Variants in GALNT13 observed in about 807,000 individuals in gnomAD.
GALNT13 encodes polypeptide N-acetylgalactosaminyltransferase 13.
Under a neutral mutation model 64.2 loss-of-function variants are expected in GALNT13, and 28 were observed. That is an observed-to-expected ratio of 0.44 (90% confidence interval 0.32 to 0.60). GALNT13 has a LOEUF of 0.60. Among genes scored for constraint, GALNT13 ranks in the 20% least tolerant of loss-of-function variants. The probability of loss-of-function intolerance (pLI) is 0.05; values close to 1 mark genes in which losing one functional copy is unlikely to be tolerated. For synonymous variants in GALNT13, 214 were observed against 224.6 expected (o/e 0.95, Z 0.42); for missense variants, 577 against 669.8 (o/e 0.86, Z 1.53).
intron 3 of GALNT13, among the ~76,000 whole-genome samples, chr2:154,037,884 T>C (rs1210850646): frequency 6.6e-6 from 1 of 152,174 alleles, no homozygotes; most frequent in African/African-American, 2.4e-5. Context: ...CTAGGCACAG[T>C]GGCTCATGCC....
chr2:154,040,905 T>C lies in GALNT13; in HGVS notation c.142+96266T>C, dbSNP rs564220885. On this transcript the variant is annotated intron_variant, in intron 3 of 12. Coordinates refer to ENST00000392825, the MANE Select transcript of GALNT13 (RefSeq NM_052917.4). ...CTATTCATTATTATTCCTTAGATGC[T>C]CGAATCCTCCATACAATGTGGTACT... 1.9e-4 allele frequency among the ~76,000 whole-genome samples: 27 copies of C among 140,208 alleles called. 4 individuals are homozygous for C. Among genetic ancestry groups the C allele is most frequent in the Non-Finnish European group, 3.8e-4 (23 of 61,016 alleles). 92.0% of individuals were successfully genotyped at this position (140,208 alleles called of 152,430 possible).
At chr2:153,126,667 A>G in the GALNT13 span, among the ~76,000 whole-genome samples, 1 of 152,148 alleles carries the variant, frequency 6.6e-6, no homozygotes, top group African/African-American at 2.4e-5. Flanking sequence ...TAAAGAAACC[A>G]GGATTTATTT....
At chr2:154,030,517 AAAG>A (rs1458308292) in intron 3 of GALNT13, among the ~76,000 whole-genome samples, 1 of 152,148 alleles carries the variant, frequency 6.6e-6, no homozygotes, top group African/African-American at 2.4e-5. Context: ...AAGAAATATT[AAAG>A]GAGGTTCTTT....
intron 4 of GALNT13, among the ~76,000 whole-genome samples, chr2:154,213,440 G>T (rs542293773): frequency 6.6e-6 from 1 of 152,222 alleles, no homozygotes; most frequent in Non-Finnish European, 1.5e-5. Context: ...AGTAAATGTT[G>T]CAGACAGACT....
chr2:154,182,622 T>C (rs1459999895), intron 4 of GALNT13, among the ~76,000 whole-genome samples: 1 of 148,714 alleles, frequency 6.7e-6, no homozygotes, highest in Non-Finnish European at 1.5e-5. Flanking sequence ...AGAAAAAATA[T>C]ATATTTATTA....
the GALNT13 span, among the ~76,000 whole-genome samples, chr2:153,640,953 G>A: frequency 6.6e-6 from 1 of 152,010 alleles, no homozygotes; most frequent in African/African-American, 2.4e-5. Context: ...CATCTTGTCA[G>A]GAGACCAAAG....
the GALNT13 span, among the ~76,000 whole-genome samples, chr2:153,390,850 AGGGGTTGAAGAT>A: frequency 6.6e-6 from 1 of 152,036 alleles, no homozygotes; most frequent in South Asian, 2.1e-4. Flanking sequence ...CATCCTAGCA[AGGGGTTGAAGAT>A]GGGGGGAAGA....
chr2:154,058,357 C>A (rs139909121), intron 3 of GALNT13, among the ~76,000 whole-genome samples: 3 of 152,194 alleles, frequency 2.0e-5, no homozygotes, highest in Non-Finnish European at 4.4e-5. Flanking sequence ...ACAACCTGAG[C>A]TGATTAAAAC....
the GALNT13 span, among the ~76,000 whole-genome samples, chr2:153,540,366 T>C: frequency 3.9e-5 from 6 of 152,218 alleles, no homozygotes; most frequent in Non-Finnish European, 5.9e-5. Flanking sequence ...TATGGAAACA[T>C]CTGGATGTCC....
chr2:153,142,819 A>C, the GALNT13 span, among the ~76,000 whole-genome samples: 1 of 151,964 alleles, frequency 6.6e-6, no homozygotes, highest in Non-Finnish European at 1.5e-5. Flanking sequence ...GAGATATGAA[A>C]TCAAAAGCAG....
chr2:154,429,844 C>T (rs1700634944), intron 11 of GALNT13, among the ~76,000 whole-genome samples: 2 of 152,234 alleles, frequency 1.3e-5, no homozygotes, highest in African/African-American at 2.4e-5. Context: ...TACCATTCCC[C>T]AAATCCTAGG....
At chr2:153,531,222 A>C in the GALNT13 span, among the ~76,000 whole-genome samples, 5 of 152,210 alleles carry the variant, frequency 3.3e-5, no homozygotes, top group African/African-American at 9.6e-5. Flanking sequence ...ATTGGCTCAC[A>C]GTTCCACAGG....
chr2:153,929,372 G>A (rs556378197), intron 2 of GALNT13, among the ~76,000 whole-genome samples: 6 of 151,988 alleles, frequency 3.9e-5, no homozygotes, highest in Non-Finnish European at 7.4e-5. Context: ...TTAGGTTTAC[G>A]GGGGCAGGTG....
At chr2:153,992,287 G>A (rs1017271360) in intron 3 of GALNT13, among the ~76,000 whole-genome samples, 2 of 152,110 alleles carry the variant, frequency 1.3e-5, no homozygotes, top group African/African-American at 4.8e-5. Context: ...TCATATGCAT[G>A]TTTATAATTA....
At chr2:154,312,103 C>T (rs1022610923) in intron 9 of GALNT13, among the ~76,000 whole-genome samples, 16 of 152,060 alleles carry the variant, frequency 1.1e-4, no homozygotes, top group Admixed American at 1.0e-3. Context: ...CAAAGACAGG[C>T]ATAGGAAATC....
the GALNT13 span, among the ~76,000 whole-genome samples, chr2:153,543,278 G>T: frequency 6.6e-6 from 1 of 152,176 alleles, no homozygotes; most frequent in Non-Finnish European, 1.5e-5. Context: ...TCTCACAGAA[G>T]CTGAAGGAAG....
chr2:153,565,083 C>G, the GALNT13 span, among the ~76,000 whole-genome samples: 1 of 152,138 alleles, frequency 6.6e-6, no homozygotes, highest in Admixed American at 6.5e-5. Context: ...CATGGGAAAG[C>G]TGAAGTGGAG....
the GALNT13 span, among the ~76,000 whole-genome samples, chr2:153,420,151 T>C: frequency 6.6e-6 from 1 of 152,190 alleles, no homozygotes; most frequent in African/African-American, 2.4e-5. Context: ...TGCATATACA[T>C]TTAGTACATA....
the GALNT13 span, among the ~76,000 whole-genome samples, chr2:153,577,994 T>C: frequency 6.6e-6 from 1 of 151,842 alleles, no homozygotes; most frequent in South Asian, 2.1e-4. Context: ...AAAATATCCA[T>C]GTATATATTT....
Sources: allele counts gnomAD v4.1 joint callset (sites outside exome capture counted in the v4.1 genomes callset), GRCh38; gene constraint gnomAD v4.1.1; transcripts MANE v1.5; gene names NCBI Gene and HGNC (gene_info 2026-07-23, HGNC 2026-07-21).